MACC1: variants seen among roughly 807,000 people sequenced by gnomAD.
The protein encoded by MACC1 is MET transcriptional regulator MACC1, also known as metastasis-associated in colon cancer protein 1.
Under a neutral mutation model 70.7 loss-of-function variants are expected in MACC1, and 79 were observed. The observed-to-expected ratio is 1.12, with a 90% CI of 0.93 to 1.35. MACC1 has a LOEUF of 1.35. MACC1 is among the 40% of genes most tolerant of loss of function. The pLI, the probability that MACC1 is intolerant of heterozygous loss-of-function variation, is 0.00. For synonymous variants in MACC1, 361 were observed against 347.2 expected, an observed-to-expected ratio of 1.04 and a Z score of -0.44; for missense variants, 1,106 against 978.1, an observed-to-expected ratio of 1.13 and a Z score of -1.74.
intron 6 of MACC1, among the ~76,000 whole-genome samples, chr7:20,151,738 G>A (rs1451456082): frequency 6.6e-6 from 1 of 152,186 alleles, no homozygotes; most frequent in Non-Finnish European, 1.5e-5. Context: ...GCTTGGTAAA[G>A]ATTTAATTTT....
At chr7:20,149,721 G>A (rs1018743281) in intron 6 of MACC1, among the ~76,000 whole-genome samples, 1 of 152,082 alleles carries the variant, frequency 6.6e-6, no homozygotes, top group African/African-American at 2.4e-5. Flanking sequence ...GGTCCCTAGA[G>A]CTCACTGATA....
At chr7:20,174,445 T>C (rs1460947185) in intron 1 of MACC1, among the ~76,000 whole-genome samples, 1 of 152,178 alleles carries the variant, frequency 6.6e-6, no homozygotes, top group Non-Finnish European at 1.5e-5. Flanking sequence ...ATCAATGTTA[T>C]AAAAATATAA....
intron 6 of MACC1, among the ~76,000 whole-genome samples, chr7:20,151,939 T>C (rs1781985510): frequency 6.6e-6 from 1 of 152,228 alleles, no homozygotes; most frequent in Non-Finnish European, 1.5e-5. Context: ...GCTCTAAACA[T>C]GGTTCCAGGA....
chr7:20,173,135 C>G (rs1184627829), intron 1 of MACC1, among the ~76,000 whole-genome samples: 1 of 152,194 alleles, frequency 6.6e-6, no homozygotes, highest in Non-Finnish European at 1.5e-5. Flanking sequence ...AGATGGATCC[C>G]AGGCTTCATT....
intron 1 of MACC1, among the ~76,000 whole-genome samples, chr7:20,182,020 G>C (rs966279266): frequency 6.6e-6 from 1 of 151,808 alleles, no homozygotes; most frequent in Non-Finnish European, 1.5e-5. Flanking sequence ...CATAAAAAAG[G>C]ATGAGTTCAT....
At chr7:20,168,193 T>C (rs1782250031) in intron 2 of MACC1, among the ~76,000 whole-genome samples, 1 of 152,018 alleles carries the variant, frequency 6.6e-6, no homozygotes, top group South Asian at 2.1e-4. Flanking sequence ...AAAAATATGT[T>C]GAGAAATTTA....
At chr7:20,191,162 T>C (rs1394354174) in intron 1 of MACC1, among the ~76,000 whole-genome samples, 1 of 152,190 alleles carries the variant, frequency 6.6e-6, no homozygotes, top group East Asian at 1.9e-4. Context: ...GAGGGGACTA[T>C]TTACAAAATG....
chr7:20,166,757 T>C (rs1045098241), intron 2 of MACC1, among the ~76,000 whole-genome samples: 9 of 152,230 alleles, frequency 5.9e-5, no homozygotes, highest in Admixed American at 3.9e-4. Context: ...ATTTCATCAA[T>C]ACGTCATCTT....
At chr7:20,151,434 T>C (rs1452466963) in intron 6 of MACC1, among the ~76,000 whole-genome samples, 5 of 152,230 alleles carry the variant, frequency 3.3e-5, no homozygotes, top group East Asian at 1.9e-4. Context: ...CATCTTTGTA[T>C]AGTGTAAGTG....
At chr7:20,191,093 C>T (rs1442525329) in intron 1 of MACC1, among the ~76,000 whole-genome samples, 2 of 152,128 alleles carry the variant, frequency 1.3e-5, no homozygotes, top group African/African-American at 4.8e-5. Flanking sequence ...TAACATAGCA[C>T]CTACTCTATC....
At chr7:20,149,360 A>C (rs143778197) in intron 6 of MACC1, among the ~76,000 whole-genome samples, 1 of 152,312 alleles carries the variant, frequency 6.6e-6, no homozygotes, top group African/African-American at 2.4e-5. Context: ...CTTCCTCTTC[A>C]TTAAAATAAT....
chr7:20,138,071 TG>T lies in MACC1; in HGVS notation c.*2874del, dbSNP rs1781742263. The T allele has an allele frequency of 6.8e-6, 1 of 148,082 alleles. No individual in the cohort carries two copies. The highest frequency in any genetic ancestry group is 2.5e-5 in the African/African-American group (1 of 40,068). The allele number at this position is 148,082 out of a possible 1,614,324, so 9.2% of individuals were successfully genotyped here. On this transcript the variant is annotated 3_prime_UTR_variant, in exon 7 of 7. Transcript: ENST00000400331. ...GGGAGGCGGAGGCAGAAGGATCTTT[TG>T]AACCCAGGAGGTGGAGGTTGCAGTG...
In MACC1 at chr7:20,141,289, T is replaced by C. The variant is rs114659533; in HGVS notation, c.2347-131A>G. ...GAATACCAATTACACATGGACTTATTTGATGTCATAGAAAATATGGTTTAA... is the reference window on the plus strand; with the variant it reads ...GAATACCAATTACACATGGACTTATCTGATGTCATAGAAAATATGGTTTAA... On this transcript the variant is annotated intron_variant, in intron 6 of 6. Transcript: ENST00000400331. 7,427 of 559,374 alleles carry C rather than the reference T, an allele frequency of 0.013. 440 individuals carry two copies. Among genetic ancestry groups the C allele is most frequent in the African/African-American group, 0.13 (6,685 of 52,416 alleles). 34.7% of individuals were successfully genotyped at this position (559,374 alleles called of 1,614,324 possible).
chr7:20,212,815 C>T (rs1417894727), intron 1 of MACC1, among the ~76,000 whole-genome samples: 1 of 152,066 alleles, frequency 6.6e-6, no homozygotes, highest in African/African-American at 2.4e-5. Context: ...ACTCCAGAGG[C>T]TCAAACAGCA....
At chr7:20,148,787 T>C (rs1781932729) in intron 6 of MACC1, among the ~76,000 whole-genome samples, 1 of 152,214 alleles carries the variant, frequency 6.6e-6, no homozygotes, top group Non-Finnish European at 1.5e-5. Flanking sequence ...AAGTAGACAA[T>C]GGTAATCTAA....
At chr7:20,147,341 G>A (rs979249087) in intron 6 of MACC1, 1 of 152,106 alleles carries the variant, frequency 6.6e-6, no homozygotes, top group Non-Finnish European at 1.5e-5. Flanking sequence ...CATAAAGAAT[G>A]CAATTGGTTT....
chr7:20,157,264 T>A (rs1782068770), intron 5 of MACC1, among the ~76,000 whole-genome samples: 1 of 152,176 alleles, frequency 6.6e-6, no homozygotes, highest in Admixed American at 6.5e-5. Flanking sequence ...GATCTTGATT[T>A]TTTTTATTTT....
intron 1 of MACC1, among the ~76,000 whole-genome samples, chr7:20,214,772 C>G (rs1783044943): frequency 6.6e-6 from 1 of 152,126 alleles, no homozygotes; most frequent in Admixed American, 6.5e-5. Context: ...AAAAATATAA[C>G]TTTCTCAATC....
intron 1 of MACC1, chr7:20,185,086 G>T (rs1379466574): frequency 6.6e-6 from 1 of 152,112 alleles, no homozygotes; most frequent in African/African-American, 2.4e-5. Flanking sequence ...CTCCTGGTAA[G>T]ATTGTGAAGA....
Sources: allele counts gnomAD v4.1 joint callset (sites outside exome capture counted in the v4.1 genomes callset), GRCh38; gene constraint gnomAD v4.1.1; transcripts MANE v1.5; gene names NCBI Gene and HGNC (gene_info 2026-07-23, HGNC 2026-07-21).